ZBBX: variants seen among roughly 807,000 people sequenced by gnomAD.
The protein encoded by ZBBX is zinc finger B-box domain containing.
Under a neutral mutation model 108.5 loss-of-function variants are expected in ZBBX, and 101 were observed. The observed-to-expected ratio is 0.93, with a 90% CI of 0.79 to 1.10. The LOEUF is 1.10. ZBBX is among the 50% of genes least tolerant of loss of function. The pLI is 0.00. For synonymous variants in ZBBX, 356 were observed against 323.4 expected (o/e 1.10, Z -1.08); for missense variants, 1,009 against 941.4 (o/e 1.07, Z -0.94).
chr3:167,185,753 C>T, the ZBBX span, among the ~76,000 whole-genome samples: 1 of 151,972 alleles, frequency 6.6e-6, no homozygotes, highest in African/African-American at 2.4e-5. Context: ...AATTCTATGA[C>T]TGAATTCAAC....
At chr3:167,270,769 A>G (rs1423671550) in intron 20 of ZBBX, among the ~76,000 whole-genome samples, 1 of 152,168 alleles carries the variant, frequency 6.6e-6, no homozygotes, top group Middle Eastern at 3.2e-3. Flanking sequence ...TGGCTTACTG[A>G]CTCCAGAATC....
intron 2 of ZBBX, among the ~76,000 whole-genome samples, chr3:167,375,103 G>A (rs903059599): frequency 1.3e-5 from 2 of 152,286 alleles, no homozygotes; most frequent in African/African-American, 4.8e-5. Context: ...AAGTCTAGAA[G>A]CTTTGCTCTA....
chr3:167,188,123 A>T, the ZBBX span, among the ~76,000 whole-genome samples: 2 of 152,196 alleles, frequency 1.3e-5, no homozygotes, highest in Non-Finnish European at 2.9e-5. Context: ...GGATCAGTGG[A>T]ATTACCATAA....
At chr3:167,254,214 A>G (rs1232319707) in intron 20 of ZBBX, among the ~76,000 whole-genome samples, 1 of 152,154 alleles carries the variant, frequency 6.6e-6, no homozygotes, top group Admixed American at 6.6e-5. Context: ...AAGTGTTACA[A>G]TGTTTTTAAC....
chr3:167,251,664 T>G (rs891457929), intron 20 of ZBBX, among the ~76,000 whole-genome samples: 1 of 152,178 alleles, frequency 6.6e-6, no homozygotes, highest in African/African-American at 2.4e-5. Context: ...GAGAGAGAGA[T>G]AAGTTTTCAT....
At chr3:167,332,690 C>T (rs1462821781) in intron 10 of ZBBX, among the ~76,000 whole-genome samples, 1 of 152,022 alleles carries the variant, frequency 6.6e-6, no homozygotes, top group African/African-American at 2.4e-5. Context: ...AAGTTAGTTG[C>T]TGATTTATTT....
chr3:167,400,664 G>A lies in ZBBX; in HGVS notation c.-446+7062C>T, dbSNP rs539464013. Among the ~76,000 whole-genome samples, 51 of 152,116 alleles carry A rather than the reference G, an allele frequency of 3.4e-4. 2 individuals are homozygous for A. In the South Asian group the frequency reaches 9.5e-3, roughly 28 times the overall value. ...TTTATTTTGCCAAGGTTGAGGGCCC[G>A]TACCCGTGACACAGCCTCAGGAGGT... On this transcript the variant is annotated intron_variant, in intron 1 of 21. Transcript: ENST00000455345.
At chr3:167,268,288 C>T (rs924085337) in intron 20 of ZBBX, among the ~76,000 whole-genome samples, 1 of 151,606 alleles carries the variant, frequency 6.6e-6, no homozygotes, top group Non-Finnish European at 1.5e-5. Context: ...AGTTACACAC[C>T]TGGGTTGAGT....
the ZBBX span, among the ~76,000 whole-genome samples, chr3:167,183,741 C>A: frequency 6.6e-6 from 1 of 152,232 alleles, no homozygotes; most frequent in African/African-American, 2.4e-5. Context: ...AAGCAGTTTT[C>A]TGCCCTGGGT....
At chr3:167,369,696 T>C (rs531656015) in intron 4 of ZBBX, among the ~76,000 whole-genome samples, 65 of 152,280 alleles carry the variant, frequency 4.3e-4, no homozygotes, top group African/African-American at 1.5e-3. Context: ...GGAATAGTGC[T>C]GTCATTGGGG....
At chr3:167,321,942 A>G (rs1355491480) in intron 12 of ZBBX, among the ~76,000 whole-genome samples, 175 bp downstream of exon 12, 5 of 152,052 alleles carry the variant, frequency 3.3e-5, no homozygotes, top group African/African-American at 1.2e-4. Context: ...ATATACATAA[A>G]TAGAATTAAA....
At chr3:167,180,788 A>G in the ZBBX span, among the ~76,000 whole-genome samples, 9 of 152,222 alleles carry the variant, frequency 5.9e-5, no homozygotes, top group African/African-American at 1.4e-4. Flanking sequence ...GTAAAGAAAC[A>G]GTCTTTTAAA....
At chr3:167,399,044 ACT>A (rs1270368536) in intron 1 of ZBBX, among the ~76,000 whole-genome samples, 1 of 150,174 alleles carries the variant, frequency 6.7e-6, no homozygotes, top group Non-Finnish European at 1.5e-5. Flanking sequence ...CTACCTTGAG[ACT>A]CTTCGGAGTC....
At chr3:167,287,253 C>T (rs1232326880) in intron 19 of ZBBX, among the ~76,000 whole-genome samples, 1 of 152,116 alleles carries the variant, frequency 6.6e-6, no homozygotes, top group African/African-American at 2.4e-5. Context: ...CATATTCACA[C>T]ACACATTTTA....
chr3:167,324,957 T>C (rs1200048371), intron 11 of ZBBX, among the ~76,000 whole-genome samples: 3 of 152,126 alleles, frequency 2.0e-5, no homozygotes, highest in African/African-American at 7.2e-5. Flanking sequence ...AACTTTCAAA[T>C]CAAGTCCAGT....
intron 16 of ZBBX, among the ~76,000 whole-genome samples, chr3:167,306,409 T>TG (rs1443912670): frequency 8.5e-5 from 13 of 152,230 alleles, no homozygotes; most frequent in Admixed American, 1.3e-4. Context: ...GAGCAGCAGT[T>TG]GGGGGCACAG....
chr3:167,289,362 T>C (rs1354814727), intron 18 of ZBBX, among the ~76,000 whole-genome samples: 1 of 152,126 alleles, frequency 6.6e-6, no homozygotes, highest in African/African-American at 2.4e-5. Context: ...CCAGTGATAA[T>C]GATGTAGAAG....
At chr3:167,341,243 T>G (rs1435866222) in intron 9 of ZBBX, among the ~76,000 whole-genome samples, 1 of 151,900 alleles carries the variant, frequency 6.6e-6, no homozygotes, top group Non-Finnish European at 1.5e-5. Flanking sequence ...CACATGCTCC[T>G]GCTTATGAAT....
intron 18 of ZBBX, among the ~76,000 whole-genome samples, chr3:167,291,322 C>T (rs1242068358): frequency 2.0e-5 from 3 of 151,900 alleles, no homozygotes; most frequent in South Asian, 2.1e-4. Flanking sequence ...GTTGGGTTAC[C>T]GACAAAGGGA....
Sources: gnomAD v4.1 joint callset for allele counts (sites outside exome capture counted in the v4.1 genomes callset) on GRCh38, gnomAD v4.1.1 for gene constraint, MANE v1.5 for transcripts, NCBI Gene and HGNC (gene_info 2026-07-23, HGNC 2026-07-21) for gene names.